The following CDK14 variants were observed in gnomAD, a reference collection of about 807,000 sequenced individuals.
CDK14 encodes cyclin dependent kinase 14.
Under a neutral mutation model 60.7 loss-of-function variants are expected in CDK14, and 34 were observed. The ratio of observed to expected loss-of-function variants is 0.56; its 90% CI spans 0.43 to 0.75. The LOEUF (loss-of-function observed/expected upper bound fraction) is 0.75, where lower values mean the gene tolerates loss of function less well. Ranked by LOEUF, CDK14 falls within the 30% of genes least tolerant of loss-of-function variation. The probability of loss-of-function intolerance (pLI) is 0.00; values close to 1 mark genes in which losing one functional copy is unlikely to be tolerated. For missense variants in CDK14, 482 were observed against 564.1 expected, an observed-to-expected ratio of 0.85 and a Z score of 1.47; for synonymous variants, 197 against 203.7, an observed-to-expected ratio of 0.97 and a Z score of 0.28.
intron 2 of CDK14, among the ~76,000 whole-genome samples, chr7:90,667,898 G>A (rs956759649): frequency 2.6e-5 from 4 of 152,210 alleles, no homozygotes; most frequent in Non-Finnish European, 4.4e-5. Flanking sequence ...TTTATATTCC[G>A]TGGTAGGGAT....
chr7:90,932,504 A>G (rs994093136), intron 8 of CDK14, among the ~76,000 whole-genome samples: 1 of 152,158 alleles, frequency 6.6e-6, no homozygotes, highest in Non-Finnish European at 1.5e-5. Context: ...TCATTAGCTA[A>G]TGATTAAAAG....
At position 90,678,791 on chromosome 7, in the gene CDK14, G is replaced by A. The variant is rs186533397; in HGVS notation, c.124-47776G>A. ...CTAGCTATTATTTGCTAGGTCCTGGGGATGCAAATCATGACATAAAAAGTT... is the reference window on the plus strand; with the variant it reads ...CTAGCTATTATTTGCTAGGTCCTGGAGATGCAAATCATGACATAAAAAGTT... On this transcript the variant is annotated intron_variant, in intron 2 of 14. Transcript: ENST00000380050. Among the ~76,000 whole-genome samples, 7 of 152,162 alleles carry A rather than the reference G, an allele frequency of 4.6e-5. No individual in the cohort carries two copies. In the East Asian group the frequency reaches 9.6e-4, roughly 21 times the overall value.
chr7:90,967,858 A>G (rs1221381753), intron 9 of CDK14, among the ~76,000 whole-genome samples: 1 of 152,208 alleles, frequency 6.6e-6, no homozygotes, highest in African/African-American at 2.4e-5. Context: ...TCATTAACTT[A>G]TATGCACAGG....
rs554473441 is a variant in CDK14, at chr7:91,186,936, C to G, written c.*29-20229C>G. ...TATTGGTAACAGAGCTACAATAAAT[C>G]TGCAGGAAGAAATACCACCAAAATC... On this transcript the variant is annotated intron_variant, in intron 14 of 14. Coordinates refer to ENST00000380050, the MANE Select transcript of CDK14 (RefSeq NM_001287135.2). Among the ~76,000 whole-genome samples the G allele has an allele frequency of 5.3e-5, 8 of 152,252 alleles. No individual in the cohort carries two copies. In the South Asian group the frequency reaches 1.7e-3, roughly 32 times the overall value.
At position 90,814,935 on chromosome 7, in the gene CDK14, T is replaced by A. The variant is rs1429871869; in HGVS notation, c.544+24283T>A. 2.0e-5 allele frequency among the ~76,000 whole-genome samples: 3 copies of A among 152,344 alleles called. No individual in the cohort carries two copies. The East Asian group carries it at 5.8e-4, about 29-fold the overall frequency. On this transcript the variant is annotated intron_variant, in intron 5 of 14. Transcript: ENST00000380050. ...CTCTTGCCTTTTTAAAATTTGAGTC[T>A]TCCTCAGCTCTGCTTTGAGCATCCT...
intron 8 of CDK14, among the ~76,000 whole-genome samples, chr7:90,920,131 G>A (rs1174007664): frequency 6.6e-6 from 1 of 152,194 alleles, no homozygotes; most frequent in Non-Finnish European, 1.5e-5. Context: ...GGGCATGTTT[G>A]TGTGTCTGAG....
At chr7:91,160,571 T>C (rs890391699) in intron 14 of CDK14, among the ~76,000 whole-genome samples, 2 of 152,228 alleles carry the variant, frequency 1.3e-5, no homozygotes, top group Non-Finnish European at 2.9e-5. Context: ...GTTCAACAGA[T>C]TATTGAAACC....
rs573667758 is a variant in CDK14, at chr7:90,772,637, C to T, written c.465-17936C>T. ...GTGAGGAACGTGCTTGCTTCCCCTTCGCCCTTCTGCCATGATTGTAAGTTT... is the reference window on the plus strand; with the variant it reads ...GTGAGGAACGTGCTTGCTTCCCCTTTGCCCTTCTGCCATGATTGTAAGTTT... On this transcript the variant is annotated intron_variant, in intron 4 of 14. Coordinates refer to ENST00000380050, the MANE Select transcript of CDK14 (RefSeq NM_001287135.2). 2.1e-3 allele frequency among the ~76,000 whole-genome samples: 314 copies of T among 152,256 alleles called. 13 individuals are homozygous for T. The highest frequency in any genetic ancestry group is 1.2e-3 in the Non-Finnish European group (83 of 68,008).
intron 2 of CDK14, among the ~76,000 whole-genome samples, chr7:90,661,858 G>C (rs561720764): frequency 7.4e-6 from 1 of 135,100 alleles, no homozygotes; most frequent in Non-Finnish European, 1.6e-5. Context: ...CAATTCATAC[G>C]GTGCCCTACC....
chr7:90,596,751 G>GCCCGCTCCCCTCGGCCTGCGCC (rs1799195399), intron 1 of CDK14, 33 bp downstream of exon 1: 2 of 1,556,232 alleles, frequency 1.3e-6, no homozygotes, highest in Admixed American at 1.7e-5. Flanking sequence ...CCCCCCCAGC[G>GCCCGCTCCCCTCGGCCTGCGCC]CCCGCTCCCC....
At chr7:90,942,585 A>G (rs926136130) in intron 8 of CDK14, among the ~76,000 whole-genome samples, 11 of 152,172 alleles carry the variant, frequency 7.2e-5, no homozygotes, top group African/African-American at 2.4e-4. Context: ...AGCTTTCAGC[A>G]CACACCCTTT....
intron 5 of CDK14, among the ~76,000 whole-genome samples, chr7:90,800,873 G>A (rs1788607904): frequency 6.6e-6 from 1 of 152,082 alleles, no homozygotes; most frequent in African/African-American, 2.4e-5. Context: ...AGCTCCTGGT[G>A]GCTTCCTACA....
At chr7:90,975,866 G>C (rs1331604711) in intron 9 of CDK14, among the ~76,000 whole-genome samples, 2 of 152,038 alleles carry the variant, frequency 1.3e-5, no homozygotes, top group Non-Finnish European at 2.9e-5. Flanking sequence ...CAAAAGACAA[G>C]ATTTCATTCT....
intron 9 of CDK14, among the ~76,000 whole-genome samples, chr7:90,968,299 A>G (rs895280401): frequency 1.3e-5 from 2 of 152,232 alleles, no homozygotes; most frequent in Non-Finnish European, 2.9e-5. Flanking sequence ...ACAATAGTTG[A>G]AAAAGAACTA....
chr7:90,604,475 T>G (rs559337773), intron 2 of CDK14, among the ~76,000 whole-genome samples: 40 of 152,348 alleles, frequency 2.6e-4, no homozygotes, highest in African/African-American at 9.4e-4. Context: ...AATGAGCTAA[T>G]TAGAAGACAC....
chr7:91,012,320 G>C (rs1796185194), intron 10 of CDK14, among the ~76,000 whole-genome samples: 1 of 152,162 alleles, frequency 6.6e-6, no homozygotes, highest in African/African-American at 2.4e-5. Context: ...ATTTTGGGTA[G>C]TCCTTTCCCT....
At chr7:91,109,449 T>C (rs551727527) in intron 12 of CDK14, among the ~76,000 whole-genome samples, 2 of 152,120 alleles carry the variant, frequency 1.3e-5, no homozygotes, top group South Asian at 2.1e-4. Flanking sequence ...GAATTACCAA[T>C]TACATGGAAA....
intron 14 of CDK14, among the ~76,000 whole-genome samples, chr7:91,198,991 A>G (rs1802635383): frequency 6.6e-6 from 1 of 152,200 alleles, no homozygotes; most frequent in South Asian, 2.1e-4. Context: ...TTAAGTTGAG[A>G]AAAAATGCAC....
intron 12 of CDK14, among the ~76,000 whole-genome samples, chr7:91,086,628 C>T (rs1424854106): frequency 6.6e-6 from 1 of 152,042 alleles, no homozygotes. Flanking sequence ...AAATAAAGAG[C>T]TGATCCAGGT....
Sources: gnomAD v4.1 joint callset for allele counts (sites outside exome capture counted in the v4.1 genomes callset) on GRCh38, gnomAD v4.1.1 for gene constraint, MANE v1.5 for transcripts, NCBI Gene and HGNC (gene_info 2026-07-23, HGNC 2026-07-21) for gene names.